The following NOS1AP variants were observed in gnomAD, a reference collection of about 807,000 sequenced individuals.
NOS1AP encodes the protein nitric oxide synthase 1 adaptor protein.
A neutral mutation model predicts 56.2 loss-of-function variants in NOS1AP; 21 were observed. The ratio of observed to expected loss-of-function variants is 0.37; its 90% CI spans 0.26 to 0.54. The LOEUF (loss-of-function observed/expected upper bound fraction) is 0.54. Among genes scored for constraint, NOS1AP ranks in the 20% least tolerant of loss-of-function variants. NOS1AP has a pLI of 0.84. For synonymous variants in NOS1AP, 270 were observed against 274.6 expected (o/e 0.98, Z 0.17); for missense variants, 522 against 657.8 (o/e 0.79, Z 2.26).
chr1:162,196,277 A>T (rs908265126), intron 2 of NOS1AP, among the ~76,000 whole-genome samples: 3 of 152,170 alleles, frequency 2.0e-5, no homozygotes, highest in African/African-American at 7.2e-5. Context: ...GGAATGCCTA[A>T]TGGTGACATT....
intron 2 of NOS1AP, among the ~76,000 whole-genome samples, chr1:162,254,152 G>T (rs1653951885): frequency 1.3e-5 from 2 of 152,196 alleles, no homozygotes; most frequent in Admixed American, 6.5e-5. Context: ...TAAAGTCAGT[G>T]CCTCGTTTCA....
At chr1:162,210,020 G>T (rs958100934) in intron 2 of NOS1AP, among the ~76,000 whole-genome samples, 1 of 152,124 alleles carries the variant, frequency 6.6e-6, no homozygotes, top group Non-Finnish European at 1.5e-5. Flanking sequence ...CAACCTGGGA[G>T]TTTTAAAAAT....
At chr1:162,208,107 T>C (rs1652220978) in intron 2 of NOS1AP, among the ~76,000 whole-genome samples, 3 of 152,162 alleles carry the variant, frequency 2.0e-5, no homozygotes, top group Admixed American at 6.5e-5. Flanking sequence ...CTTGGGTTTC[T>C]CACGGTGAGT....
intron 4 of NOS1AP, among the ~76,000 whole-genome samples, chr1:162,308,619 C>T (rs1655923810): frequency 6.6e-6 from 1 of 152,160 alleles, no homozygotes; most frequent in Admixed American, 6.5e-5. Context: ...CAAGGGAAGC[C>T]CTTTCATTCT....
At chr1:162,233,438 TA>T (rs1482079279) in intron 2 of NOS1AP, among the ~76,000 whole-genome samples, 3 of 152,216 alleles carry the variant, frequency 2.0e-5, no homozygotes, top group Non-Finnish European at 4.4e-5. Flanking sequence ...GGTATGTCTT[TA>T]AAAATAACAT....
At chr1:162,079,129 G>C (rs566689461) in intron 1 of NOS1AP, among the ~76,000 whole-genome samples, 2 of 152,206 alleles carry the variant, frequency 1.3e-5, no homozygotes, top group African/African-American at 4.8e-5. Flanking sequence ...GTAACTTCCG[G>C]TTCCCAGTGG....
intron 2 of NOS1AP, among the ~76,000 whole-genome samples, chr1:162,213,441 T>C (rs1294658004): frequency 6.6e-6 from 1 of 152,228 alleles, no homozygotes; most frequent in Non-Finnish European, 1.5e-5. Context: ...CAGATTGTTA[T>C]GGCTGGAGTT....
intron 2 of NOS1AP, among the ~76,000 whole-genome samples, chr1:162,238,994 A>G (rs1055177976): frequency 6.6e-6 from 1 of 152,232 alleles, no homozygotes; most frequent in African/African-American, 2.4e-5. Flanking sequence ...ACCTATTCCT[A>G]GAGGAAAGAC....
At chr1:162,108,237 G>A (rs1647584732) in intron 1 of NOS1AP, among the ~76,000 whole-genome samples, 1 of 152,180 alleles carries the variant, frequency 6.6e-6, no homozygotes, top group African/African-American at 2.4e-5. Context: ...TTTTACAACA[G>A]CAAGCAGGGA....
chr1:162,197,650 A>T (rs1468134764), intron 2 of NOS1AP, among the ~76,000 whole-genome samples: 1 of 152,190 alleles, frequency 6.6e-6, no homozygotes, highest in Non-Finnish European at 1.5e-5. Flanking sequence ...AACCCTTTTC[A>T]GGCTCAGGAG....
intron 2 of NOS1AP, among the ~76,000 whole-genome samples, chr1:162,260,286 C>A (rs1235458845): frequency 6.6e-6 from 1 of 152,160 alleles, no homozygotes; most frequent in Non-Finnish European, 1.5e-5. Flanking sequence ...ATCCCTCCTT[C>A]ACAGTTTGAC....
chr1:162,226,621 G>A lies in NOS1AP; in HGVS notation c.178-60723G>A, dbSNP rs537695450. Among the ~76,000 whole-genome samples, 235 of 152,342 alleles carry A rather than the reference G, an allele frequency of 1.5e-3. 2 individuals are homozygous for A. The highest frequency in any genetic ancestry group is 5.5e-3 in the African/African-American group (227 of 41,564). On this transcript the variant is annotated intron_variant, in intron 2 of 9. Coordinates refer to ENST00000361897, the MANE Select transcript of NOS1AP (RefSeq NM_014697.3). ...TGATTTAATTTGGGGGCATCAGGAA[G>A]GCTTTTCTGTGGATGTTCTATTGAA...
intron 2 of NOS1AP, among the ~76,000 whole-genome samples, chr1:162,157,913 T>C (rs147254684): frequency 6.6e-6 from 1 of 152,326 alleles, no homozygotes; most frequent in Admixed American, 6.5e-5. Context: ...TCTCATTTGG[T>C]CTCTCACCCT....
chr1:162,152,889 G>A (rs1649777183), intron 1 of NOS1AP, among the ~76,000 whole-genome samples: 1 of 152,030 alleles, frequency 6.6e-6, no homozygotes, highest in Non-Finnish European at 1.5e-5. Context: ...CACTCTTAAT[G>A]GAATCTTTGC....
At chr1:162,179,892 A>G (rs931962558) in intron 2 of NOS1AP, among the ~76,000 whole-genome samples, 1 of 152,182 alleles carries the variant, frequency 6.6e-6, no homozygotes, top group Non-Finnish European at 1.5e-5. Flanking sequence ...CAGATTACTA[A>G]GCTCTCTCTA....
intron 2 of NOS1AP, among the ~76,000 whole-genome samples, chr1:162,154,842 T>G (rs918014294): frequency 1.3e-5 from 2 of 152,080 alleles, no homozygotes; most frequent in Non-Finnish European, 2.9e-5. Flanking sequence ...CTCAAAAAGA[T>G]GGGGTTTCAC....
At chr1:162,164,155 C>G (rs769194008) in intron 2 of NOS1AP, among the ~76,000 whole-genome samples, 1 of 152,208 alleles carries the variant, frequency 6.6e-6, no homozygotes, top group South Asian at 2.1e-4. Flanking sequence ...TCCACAGTTT[C>G]TTGCACTGAC....
At chr1:162,163,553 C>T (rs10918796) in intron 2 of NOS1AP, among the ~76,000 whole-genome samples, 74 of 151,962 alleles carry the variant, frequency 4.9e-4, no homozygotes, top group South Asian at 2.1e-3. Flanking sequence ...CAGACTGTTG[C>T]GGAAGGCTTC....
At chr1:162,290,670 G>C (rs1168861302) in intron 3 of NOS1AP, among the ~76,000 whole-genome samples, 2 of 152,190 alleles carry the variant, frequency 1.3e-5, no homozygotes, top group Non-Finnish European at 2.9e-5. Flanking sequence ...GCCTGACATT[G>C]CCCACTGATT....
Sources: allele counts gnomAD v4.1 joint callset (sites outside exome capture counted in the v4.1 genomes callset), GRCh38; gene constraint gnomAD v4.1.1; transcripts MANE v1.5; gene names NCBI Gene and HGNC (gene_info 2026-07-23, HGNC 2026-07-21).